CRACD: variants seen among roughly 807,000 people sequenced by gnomAD.
The protein encoded by CRACD is capping protein-inhibiting regulator of actin dynamics.
A neutral mutation model predicts 106.8 loss-of-function variants in CRACD; 56 were observed. That is an observed-to-expected ratio of 0.52 (90% confidence interval 0.42 to 0.66). The LOEUF (loss-of-function observed/expected upper bound fraction) is 0.66, where lower values mean the gene tolerates loss of function less well. Ranked by LOEUF, CRACD falls within the 30% of genes least tolerant of loss-of-function variation. The pLI is 0.00. For missense variants in CRACD, 1,730 were observed against 1,623.2 expected, an observed-to-expected ratio of 1.07 and a Z score of -1.13; for synonymous variants, 754 against 670.8, an observed-to-expected ratio of 1.12 and a Z score of -1.92.
At chr4:56,237,994 A>G (rs1349250384) in intron 2 of CRACD, among the ~76,000 whole-genome samples, 1 of 147,846 alleles carries the variant, frequency 6.8e-6, no homozygotes, top group Non-Finnish European at 1.5e-5. Context: ...CCTCTGAACT[A>G]ATTGTTTATC....
intron 1 of CRACD, among the ~76,000 whole-genome samples, chr4:56,076,759 T>A (rs1732853665): frequency 6.6e-6 from 1 of 152,212 alleles, no homozygotes; most frequent in South Asian, 2.1e-4. Context: ...TGCACTGTGA[T>A]TGCCTGTTTT....
intron 2 of CRACD, among the ~76,000 whole-genome samples, chr4:56,188,434 C>T (rs56144275): frequency 9.8e-4 from 149 of 152,068 alleles, no homozygotes; most frequent in Middle Eastern, 3.4e-3. Flanking sequence ...TGAGATTGCT[C>T]ACCCTGATGC....
chr4:56,088,757 G>A (rs1023454286), intron 1 of CRACD, among the ~76,000 whole-genome samples: 1 of 149,944 alleles, frequency 6.7e-6, no homozygotes, highest in Non-Finnish European at 1.5e-5. Flanking sequence ...TTGCTCTGTT[G>A]CCCAGGCTGG....
chr4:56,236,506 G>C (rs1016596923), intron 2 of CRACD, among the ~76,000 whole-genome samples: 1 of 152,126 alleles, frequency 6.6e-6, no homozygotes, highest in African/African-American at 2.4e-5. Context: ...GATATTGGCA[G>C]GACTAGGCAC....
chr4:56,279,184 T>C (rs1173410490), intron 3 of CRACD, among the ~76,000 whole-genome samples: 6 of 152,196 alleles, frequency 3.9e-5, no homozygotes, highest in Non-Finnish European at 7.3e-5. Context: ...CTGCACCCAA[T>C]GTCCGACAAT....
intron 2 of CRACD, among the ~76,000 whole-genome samples, chr4:56,205,543 A>G (rs903071232): frequency 7.9e-5 from 12 of 152,154 alleles, no homozygotes; most frequent in Admixed American, 7.2e-4. Context: ...TGTGTGTGTA[A>G]GTACAAACAT....
rs748763912 is a variant in CRACD, at chr4:56,315,816, G to A, written c.2314G>A (p.Gly772Ser). ...PPAGVRELGKGPEKSEMHREP... is the reference protein window; with the variant it reads ...PPAGVRELGKSPEKSEMHREP... ...TGCTGGTGTTCGCGAGCTCGGGAAG[G>A]GTCCGGAGAAGTCGGAGATGCACCG... The change falls in exon 8 of 11, where the codon GGT (glycine) becomes AGT (serine). Residue 772 changes from glycine (G) to serine (S), a missense_variant. Gly to Ser is a moderately conservative substitution (Grantham distance 56). Coordinates refer to ENST00000682029, the MANE Select transcript of CRACD (RefSeq NM_001393381.1). The surrounding 1 kb of genome is among the most constrained non-coding windows in gnomAD (Gnocchi z 4.1). 3.7e-6 allele frequency: 6 copies of A among 1,614,052 alleles called. No homozygotes were observed. The highest frequency in any genetic ancestry group is 3.3e-5 in the Admixed American group (2 of 60,002).
chr4:56,165,226 GT>G (rs1391273312), intron 1 of CRACD, among the ~76,000 whole-genome samples: 1 of 152,230 alleles, frequency 6.6e-6, no homozygotes. Context: ...CTTCAGTGAT[GT>G]TTCTCAGCCT....
chr4:56,259,350 G>A (rs1741562423), intron 2 of CRACD, among the ~76,000 whole-genome samples: 1 of 152,080 alleles, frequency 6.6e-6, no homozygotes. Context: ...TAAATTGACG[G>A]TTGTCTCTTG....
chr4:56,258,233 C>G (rs1282128913), intron 2 of CRACD, among the ~76,000 whole-genome samples: 1 of 152,174 alleles, frequency 6.6e-6, no homozygotes, highest in African/African-American at 2.4e-5. Flanking sequence ...TAACTTAACT[C>G]TTTCAACTAA....
At chr4:56,215,087 C>T (rs1738612533) in intron 2 of CRACD, among the ~76,000 whole-genome samples, 1 of 152,272 alleles carries the variant, frequency 6.6e-6, no homozygotes, top group East Asian at 1.9e-4. Context: ...ATAGCTTACT[C>T]TAACTTCAAA....
intron 1 of CRACD, among the ~76,000 whole-genome samples, chr4:56,090,892 T>G (rs1346688900): frequency 1.3e-5 from 2 of 152,094 alleles, no homozygotes; most frequent in African/African-American, 4.8e-5. Context: ...GGAGATGGAG[T>G]GAAAGTTCTG....
intron 2 of CRACD, among the ~76,000 whole-genome samples, chr4:56,183,972 C>T (rs969077004): frequency 2.0e-4 from 31 of 152,188 alleles, no homozygotes; most frequent in Admixed American, 1.7e-3. Flanking sequence ...CTTCTCTTTG[C>T]GCTTAACAGC....
chr4:56,316,159 C>T lies in CRACD; in HGVS notation c.2657C>T (p.Ala886Val), dbSNP rs1240672328. Residue 886 changes from alanine (A) to valine (V), a missense_variant, in exon 8 of 11, where the codon GCG becomes GTG. Transcript: ENST00000682029. ...AGCGCGGATGCAGGGCCGCCTGCAG[C>T]GGGGAGCGCTCGTGGAGAGAAAGAG... ...GDSADAGPPAAGSARGEKEME... is the reference protein window; with the variant it reads ...GDSADAGPPAVGSARGEKEME... The T allele has an allele frequency of 5.0e-6, 8 of 1,614,034 alleles. No individual in the cohort carries two copies. Among genetic ancestry groups the T allele is most frequent in the Middle Eastern group, 1.6e-4 (1 of 6,084 alleles).
chr4:56,284,592 G>A (rs562918974), intron 3 of CRACD, among the ~76,000 whole-genome samples: 5 of 152,260 alleles, frequency 3.3e-5, no homozygotes, highest in South Asian at 4.1e-4. Context: ...AGGCGTGGTG[G>A]TGGGTACCTG....
At chr4:56,203,530 C>G (rs553467976) in intron 2 of CRACD, among the ~76,000 whole-genome samples, 5 of 152,300 alleles carry the variant, frequency 3.3e-5, no homozygotes, top group African/African-American at 9.6e-5. Context: ...GAGGTTCCTT[C>G]CTTCCTTCAT....
At chr4:56,090,410 T>G (rs1733387280) in intron 1 of CRACD, among the ~76,000 whole-genome samples, 1 of 152,068 alleles carries the variant, frequency 6.6e-6, no homozygotes, top group Non-Finnish European at 1.5e-5. Flanking sequence ...GGCCAGGGAT[T>G]TTTTTGAGAC....
chr4:56,105,163 A>G (rs1733907925), intron 1 of CRACD, among the ~76,000 whole-genome samples: 1 of 152,202 alleles, frequency 6.6e-6, no homozygotes, highest in South Asian at 2.1e-4. Flanking sequence ...AAGTTGTTTA[A>G]TCTGCAAAGT....
intron 1 of CRACD, among the ~76,000 whole-genome samples, chr4:56,098,882 C>A (rs566718387): frequency 6.6e-6 from 1 of 152,262 alleles, no homozygotes. Flanking sequence ...ACCATATTGG[C>A]CAGGCTGGTC....
Sources: gnomAD v4.1 joint callset for allele counts (sites outside exome capture counted in the v4.1 genomes callset) on GRCh38, gnomAD v4.1.1 for gene constraint, Gnocchi (gnomAD v3.1) non-coding constraint, MANE v1.5 for transcripts, NCBI Gene and HGNC (gene_info 2026-07-23, HGNC 2026-07-21) for gene names.